Variants in RABGAP1L observed in about 807,000 individuals in gnomAD.
The protein encoded by RABGAP1L is RAB GTPase activating protein 1 like.
Under a neutral mutation model 137.7 loss-of-function variants are expected in RABGAP1L, and 63 were observed. The observed-to-expected ratio is 0.46, with a 90% CI of 0.37 to 0.56. RABGAP1L has a LOEUF of 0.56. RABGAP1L is among the 20% of genes least tolerant of loss of function. RABGAP1L has a pLI of 0.00. For synonymous variants in RABGAP1L, 431 were observed against 433.7 expected (o/e 0.99, Z 0.08); for missense variants, 1,095 against 1,244.0 (o/e 0.88, Z 1.80).
intron 10 of RABGAP1L, among the ~76,000 whole-genome samples, chr1:174,287,470 A>G (rs903044044): frequency 3.9e-5 from 6 of 152,086 alleles, no homozygotes; most frequent in Non-Finnish European, 4.4e-5. Flanking sequence ...TCTTAATTTT[A>G]TATCCATTCA....
intron 19 of RABGAP1L, among the ~76,000 whole-genome samples, chr1:174,941,271 GTGAT>G (rs1665822027): frequency 6.6e-6 from 1 of 152,162 alleles, no homozygotes; most frequent in Non-Finnish European, 1.5e-5. Flanking sequence ...TTGGATGTGA[GTGAT>G]TAACATTTGA....
At chr1:174,673,544 C>A (rs1027567682) in intron 14 of RABGAP1L, among the ~76,000 whole-genome samples, 1 of 152,154 alleles carries the variant, frequency 6.6e-6, no homozygotes, top group Non-Finnish European at 1.5e-5. Flanking sequence ...TTATTAATTT[C>A]TGCTAATGAA....
chr1:174,623,255 C>G (rs960776811), intron 13 of RABGAP1L, among the ~76,000 whole-genome samples: 2 of 152,112 alleles, frequency 1.3e-5, no homozygotes, highest in Admixed American at 1.3e-4. Context: ...AGAAAATTTA[C>G]TCGTGAGAAT....
chr1:174,548,216 C>T lies in RABGAP1L; in HGVS notation c.1711-89159C>T, dbSNP rs1666176763. The T allele has an allele frequency of 8.4e-6, 12 of 1,425,200 alleles. No homozygotes were observed. The South Asian group carries it at 1.9e-4, about 22-fold the overall frequency. 88.3% of individuals were successfully genotyped at this position (1,425,200 alleles called of 1,614,324 possible). Reference sequence around the variant, plus strand: ...CAGGGTGAAGGTAATTAAGAGAAAGCATAATCTACAGAATTGAAGCCAAGT... The same window carrying T: ...CAGGGTGAAGGTAATTAAGAGAAAGTATAATCTACAGAATTGAAGCCAAGT... On this transcript the variant is annotated intron_variant, in intron 13 of 25. Transcript: ENST00000681986.
chr1:174,186,293 C>A (rs1253499038), intron 1 of RABGAP1L, among the ~76,000 whole-genome samples: 3 of 152,028 alleles, frequency 2.0e-5, no homozygotes. Context: ...GACATAGAAA[C>A]TCCCAAGGAA....
chr1:174,652,079 T>C (rs1212311844), intron 14 of RABGAP1L, among the ~76,000 whole-genome samples: 1 of 152,214 alleles, frequency 6.6e-6, no homozygotes, highest in Non-Finnish European at 1.5e-5. Context: ...GTATTTTATT[T>C]CTCCTTCACG....
intron 14 of RABGAP1L, among the ~76,000 whole-genome samples, chr1:174,672,777 CT>C (rs1319062538): frequency 1.3e-5 from 2 of 151,956 alleles, no homozygotes; most frequent in African/African-American, 4.8e-5. Flanking sequence ...AACGTTCCTC[CT>C]GTTACTGATT....
At chr1:174,434,142 C>CACACAG (rs1198971707) in intron 13 of RABGAP1L, among the ~76,000 whole-genome samples, 1 of 151,722 alleles carries the variant, frequency 6.6e-6, no homozygotes, top group Non-Finnish European at 1.5e-5. Flanking sequence ...CACACACACA[C>CACACAG]ACACACACAC....
intron 4 of RABGAP1L, among the ~76,000 whole-genome samples, chr1:174,239,551 C>T (rs983158236): frequency 6.6e-6 from 1 of 151,654 alleles, no homozygotes; most frequent in African/African-American, 2.4e-5. Flanking sequence ...AACTCTCTTT[C>T]CTCATACTGG....
chr1:174,834,249 A>G (rs1692481423), intron 19 of RABGAP1L, among the ~76,000 whole-genome samples: 1 of 152,010 alleles, frequency 6.6e-6, no homozygotes, highest in Admixed American at 6.6e-5. Flanking sequence ...CAACATGGGG[A>G]AACCCTCTCT....
intron 19 of RABGAP1L, among the ~76,000 whole-genome samples, chr1:174,823,376 C>T (rs1254736638): frequency 1.3e-5 from 2 of 152,214 alleles, no homozygotes; most frequent in Admixed American, 1.3e-4. Flanking sequence ...AATTTTCCCG[C>T]AACCATTTAC....
At chr1:174,185,355 A>G (rs1666718201) in intron 1 of RABGAP1L, among the ~76,000 whole-genome samples, 1 of 152,222 alleles carries the variant, frequency 6.6e-6, no homozygotes, top group African/African-American at 2.4e-5. Flanking sequence ...AGAATTTTAG[A>G]GCTAAAGTAC....
intron 19 of RABGAP1L, among the ~76,000 whole-genome samples, chr1:174,939,130 T>A (rs1374426624): frequency 1.3e-5 from 2 of 152,228 alleles, no homozygotes; most frequent in African/African-American, 2.4e-5. Context: ...TGATATTACC[T>A]TTTTTTCTGA....
intron 1 of RABGAP1L, among the ~76,000 whole-genome samples, chr1:174,198,906 C>T (rs888990210): frequency 4.6e-5 from 7 of 152,154 alleles, no homozygotes; most frequent in Admixed American, 2.0e-4. Context: ...GTTGGGAGTT[C>T]GAGACCAGCC....
At chr1:174,356,004 T>A (rs1310591480) in intron 11 of RABGAP1L, among the ~76,000 whole-genome samples, 1 of 152,224 alleles carries the variant, frequency 6.6e-6, no homozygotes, top group Non-Finnish European at 1.5e-5. Context: ...AAGTATAGTA[T>A]TCTGATTCTG....
At chr1:174,446,598 A>G (rs917130056) in intron 13 of RABGAP1L, among the ~76,000 whole-genome samples, 14 of 152,212 alleles carry the variant, frequency 9.2e-5, no homozygotes, top group Non-Finnish European at 1.5e-4. Context: ...CAGCCTTGCA[A>G]TGTTTCAAAC....
At chr1:174,642,633 A>C (rs755880617) in intron 14 of RABGAP1L, among the ~76,000 whole-genome samples, 7 of 151,760 alleles carry the variant, frequency 4.6e-5, no homozygotes, top group Admixed American at 6.6e-5. Context: ...AACAAATTAT[A>C]GTCCTCTCTC....
chr1:174,336,884 T>C (rs6700584), intron 11 of RABGAP1L, among the ~76,000 whole-genome samples: 1 of 96,642 alleles, frequency 1.0e-5, no homozygotes, highest in Non-Finnish European at 2.4e-5. Flanking sequence ...TGTGTGTGTG[T>C]GAGAGAGAGA....
At chr1:174,571,783 C>T (rs971198428) in intron 13 of RABGAP1L, among the ~76,000 whole-genome samples, 5 of 152,060 alleles carry the variant, frequency 3.3e-5, no homozygotes, top group African/African-American at 1.2e-4. Flanking sequence ...TGATTAACTC[C>T]AAATTCATTA....
Sources: gnomAD v4.1 joint callset for allele counts (sites outside exome capture counted in the v4.1 genomes callset) on GRCh38, gnomAD v4.1.1 for gene constraint, MANE v1.5 for transcripts, NCBI Gene and HGNC (gene_info 2026-07-23, HGNC 2026-07-21) for gene names.